The following TPTE2 variants were observed in gnomAD, a reference collection of about 807,000 sequenced individuals.
The protein encoded by TPTE2 is transmembrane phosphoinositide 3-phosphatase and tensin homolog 2.
Under a neutral mutation model 78.6 loss-of-function variants are expected in TPTE2, and 53 were observed. The observed-to-expected ratio is 0.67, with a 90% CI of 0.54 to 0.85. The LOEUF is 0.85. Ranked by LOEUF, TPTE2 falls within the 40% of genes least tolerant of loss-of-function variation. The pLI, the probability that TPTE2 is intolerant of heterozygous loss-of-function variation, is 0.00. For missense variants in TPTE2, 461 were observed against 623.0 expected, an observed-to-expected ratio of 0.74 and a Z score of 2.77; for synonymous variants, 175 against 206.2, an observed-to-expected ratio of 0.85 and a Z score of 1.30.
At chr13:19,423,000 C>G in exon 20 of TPTE2, 2 of 1,591,614 alleles carry the variant, frequency 1.3e-6, no homozygotes, top group Non-Finnish European at 1.7e-6. Flanking sequence ...GAACATAATT[C>G]TTTCCCAGAA....
At chr13:19,555,958 G>A in the TPTE2 span, among the ~76,000 whole-genome samples, 77 of 151,660 alleles carry the variant, frequency 5.1e-4, 1 homozygote, top group Admixed American at 9.9e-4. Flanking sequence ...GATTACAGGC[G>A]CCCACCACCA....
intron 13 of TPTE2, among the ~76,000 whole-genome samples, chr13:19,444,586 C>G (rs1196039673): frequency 1.3e-5 from 2 of 152,128 alleles, no homozygotes; most frequent in Middle Eastern, 3.4e-3. Flanking sequence ...GAATACCTCT[C>G]TTCATGGGTT....
chr13:19,436,786 T>C (rs551299694), intron 14 of TPTE2, among the ~76,000 whole-genome samples: 12 of 152,208 alleles, frequency 7.9e-5, no homozygotes, highest in African/African-American at 2.9e-4. Flanking sequence ...GATTCATACA[T>C]TCATAAAATT....
chr13:19,554,114 G>A, the TPTE2 span, among the ~76,000 whole-genome samples: 4 of 152,102 alleles, frequency 2.6e-5, no homozygotes, highest in Non-Finnish European at 5.9e-5. Flanking sequence ...GGTGGCTCAC[G>A]CCTGTAATCC....
chr13:19,510,143 T>C (rs570713672), intron 1 of TPTE2, among the ~76,000 whole-genome samples: 1 of 152,284 alleles, frequency 6.6e-6, no homozygotes, highest in East Asian at 1.9e-4. Flanking sequence ...AGAACATAAC[T>C]TCAATGTCTA....
the TPTE2 span, among the ~76,000 whole-genome samples, chr13:19,551,963 A>C: frequency 6.6e-6 from 1 of 152,362 alleles, no homozygotes; most frequent in African/African-American, 2.4e-5. Flanking sequence ...GATATCACAA[A>C]AAATAAATAG....
chr13:19,480,758 G>A (rs906290256), intron 4 of TPTE2, among the ~76,000 whole-genome samples: 3 of 152,226 alleles, frequency 2.0e-5, no homozygotes, highest in Admixed American at 6.5e-5. Context: ...GGGGAGAAAT[G>A]TACACTTTGC....
the TPTE2 span, among the ~76,000 whole-genome samples, chr13:19,544,988 G>T: frequency 6.6e-6 from 1 of 150,438 alleles, no homozygotes; most frequent in Non-Finnish European, 1.5e-5. Context: ...ACGATAGGCA[G>T]CAAGGACTTA....
At chr13:19,543,556 A>G in the TPTE2 span, among the ~76,000 whole-genome samples, 10 of 150,512 alleles carry the variant, frequency 6.6e-5, no homozygotes, top group East Asian at 1.4e-3. Context: ...GGGTTTCACC[A>G]TGTTGGTCAG....
chr13:19,450,306 C>T lies in TPTE2; in HGVS notation c.841G>A (p.Val281Ile), dbSNP rs1878096198. ...TGATCATCAATCATGATTCTACTGA[C>T]CCTATTATGGAAGTGCTTAGGATCA... The change falls in exon 12 of 20, where the codon GTC becomes ATC. Residue 281 changes from valine (V) to isoleucine (I), a missense_variant. By Grantham distance (29) the Val-to-Ile change is conservative. Transcript: ENST00000400230. The T allele has an allele frequency of 6.2e-7, 1 of 1,611,188 alleles. No homozygotes were observed.
intron 1 of TPTE2, among the ~76,000 whole-genome samples, chr13:19,522,016 A>C (rs1441193224): frequency 6.6e-6 from 1 of 152,178 alleles, no homozygotes; most frequent in African/African-American, 2.4e-5. Flanking sequence ...TCAAGCAACA[A>C]ATTTTTTTAG....
the TPTE2 span, among the ~76,000 whole-genome samples, chr13:19,543,059 CTT>C: frequency 6.9e-6 from 1 of 144,670 alleles, no homozygotes; most frequent in Non-Finnish European, 1.5e-5. Flanking sequence ...ATTTCTTTTT[CTT>C]TTTTTTTTTT....
At chr13:19,436,600 G>T (rs1877108227) in intron 14 of TPTE2, among the ~76,000 whole-genome samples, 1 of 152,080 alleles carries the variant, frequency 6.6e-6, no homozygotes, top group African/African-American at 2.4e-5. Flanking sequence ...TTTTAGTAGA[G>T]ATAGGGGTTT....
upstream of TPTE2, among the ~76,000 whole-genome samples, chr13:19,507,870 C>A (rs574855114): frequency 6.6e-6 from 1 of 152,272 alleles, no homozygotes; most frequent in South Asian, 2.1e-4. Context: ...GGCCACATTG[C>A]CAGCTTTTGC....
intron 15 of TPTE2, among the ~76,000 whole-genome samples, chr13:19,433,984 G>A (rs1363864294): frequency 6.6e-6 from 1 of 152,166 alleles, no homozygotes; most frequent in Non-Finnish European, 1.5e-5. Flanking sequence ...TTCCCTAAGG[G>A]CTGTAAACCA....
At chr13:19,489,750 A>G (rs1460303321) in intron 3 of TPTE2, among the ~76,000 whole-genome samples, 1 of 98,702 alleles carries the variant, frequency 1.0e-5, no homozygotes, top group Non-Finnish European at 2.0e-5. Flanking sequence ...ACACATATAT[A>G]CATGTGTGTT....
At chr13:19,504,710 A>G (rs1868876309), upstream of TPTE2, among the ~76,000 whole-genome samples, 3 of 152,144 alleles carry the variant, frequency 2.0e-5, no homozygotes, top group South Asian at 6.3e-4. Context: ...AAAAAGTTGG[A>G]TAAGAGACCT....
chr13:19,550,138 C>G, the TPTE2 span, among the ~76,000 whole-genome samples: 2 of 148,142 alleles, frequency 1.4e-5, no homozygotes, highest in African/African-American at 4.9e-5. Flanking sequence ...GCACATGTAC[C>G]CCTGAACCTA....
At chr13:19,475,460 A>T in intron 5 of TPTE2, 113 bp downstream of exon 8, 1 of 1,186,292 alleles carries the variant, frequency 8.4e-7, no homozygotes. Flanking sequence ...TCCTGACTTC[A>T]TGTGATCTGC....
Sources: gnomAD v4.1 joint callset for allele counts (sites outside exome capture counted in the v4.1 genomes callset) on GRCh38, gnomAD v4.1.1 for gene constraint, MANE v1.5 for transcripts, NCBI Gene and HGNC (gene_info 2026-07-23, HGNC 2026-07-21) for gene names.